Variants in ECI1 observed in about 807,000 individuals in gnomAD.
ECI1 encodes enoyl-CoA delta isomerase 1.
Under a neutral mutation model 34.2 loss-of-function variants are expected in ECI1, and 34 were observed. The ratio of observed to expected loss-of-function variants is 1.00; its 90% CI spans 0.76 to 1.33. ECI1 has a LOEUF of 1.33. Among genes scored for constraint, ECI1 ranks in the 40% most tolerant of loss-of-function variants. ECI1 has a pLI of 0.00. For missense variants in ECI1, 456 were observed against 422.2 expected (o/e 1.08, Z -0.70); for synonymous variants, 211 against 193.0 (o/e 1.09, Z -0.77).
Position 2,251,361 on chromosome 16 carries a change from G to A in ECI1, c.121C>T (p.Arg41Cys). The change falls in exon 2 of 7, where the codon CGC becomes TGC. Residue 41 changes from arginine to cysteine, a missense_variant. Transcript: ENST00000301729. ...ACCAGCACCCGCTGGCTCCCGAAGC[G>A]CCGCGCGCCGTCTCCGCCGCCGGCC... ...RAAGGGDGAR[R>C]FGSQRVLVEP... is the part of the protein sequence containing the mutation. The A allele has an allele frequency of 1.6e-6, 2 of 1,246,338 alleles. No individual in the cohort carries two copies. Among genetic ancestry groups the A allele is most frequent in the Non-Finnish European group, 1.0e-6 (1 of 996,244 alleles). 77.2% of individuals were successfully genotyped at this position (1,246,338 alleles called of 1,614,324 possible). A position where few individuals can be genotyped will look rare whatever the true frequency, so the allele number is the denominator to read the frequency against.
chr16:2,243,256 C>T (rs2093532354), intron 5 of ECI1, 32 bp from the exon 6 acceptor site: 3 of 1,612,940 alleles, frequency 1.9e-6, no homozygotes, highest in Non-Finnish European at 2.5e-6. Flanking sequence ...CACCACATGG[C>T]CCCAGGCGGG....
chr16:2,246,899 A>G lies in ECI1; in HGVS notation c.254T>C (p.Leu85Pro). ...LTELVISLEK[L>P]ENDKSFRGVI... is the part of the protein sequence containing the mutation. The stretch of plus-strand genomic sequence containing the variant: ...ACCGCGGAAGCTCTTGTCATTCTCC[A>G]GCTTCTCCAGGCTGATGACCAGCTC... The change falls in exon 3 of 7, where the codon CTG becomes CCG. Residue 85 changes from leucine (L) to proline (P), a missense_variant. Transcript: ENST00000301729. 1 of 1,613,764 alleles carries G rather than the reference A, an allele frequency of 6.2e-7. No individual in the cohort carries two copies. The highest frequency in any genetic ancestry group is 8.5e-7 in the Non-Finnish European group (1 of 1,180,016).
chr16:2,245,594 G>A (rs1316536518), intron 3 of ECI1, among the ~76,000 whole-genome samples: 7 of 152,204 alleles, frequency 4.6e-5, no homozygotes, highest in Non-Finnish European at 1.0e-4. Context: ...GGCCTGGCGT[G>A]GTGGCTCATG....
At chr16:2,247,076 G>A (rs1394333623) in intron 2 of ECI1, 90 bp from the exon 3 acceptor site, 2 of 1,457,762 alleles carry the variant, frequency 1.4e-6, no homozygotes, top group East Asian at 2.4e-5. Flanking sequence ...CATGATAGCT[G>A]TGCATTTTGG....
intron 4 of ECI1, 77 bp downstream of exon 4, chr16:2,244,329 G>A: frequency 1.3e-6 from 2 of 1,508,928 alleles, no homozygotes; most frequent in Admixed American, 3.8e-5. Context: ...GATTCCAAGG[G>A]CAGGACAGTG....
intron 2 of ECI1, among the ~76,000 whole-genome samples, chr16:2,248,960 T>C (rs1410838209): frequency 6.6e-6 from 1 of 152,210 alleles, no homozygotes; most frequent in East Asian, 1.9e-4. Flanking sequence ...CGGGCTTTGT[T>C]GTCGGCTTTG....
intron 3 of ECI1, among the ~76,000 whole-genome samples, chr16:2,246,457 C>A (rs1351364524): frequency 3.3e-5 from 5 of 152,170 alleles, no homozygotes; most frequent in African/African-American, 7.2e-5. Context: ...GCCCACAGCT[C>A]TCCCCAGTGT....
intron 2 of ECI1, among the ~76,000 whole-genome samples, chr16:2,249,251 G>A (rs951610470): frequency 2.0e-5 from 3 of 151,642 alleles, no homozygotes; most frequent in Admixed American, 6.6e-5. Context: ...GGGTTTCACC[G>A]TGTTAGCCAG....
Position 2,246,981 on chromosome 16 carries a change from C to T in ECI1, c.172G>A (p.Ala58Thr), listed in dbSNP as rs72766670. ...LVEPDAGAGVAVMKFKNPPVN... is the reference protein window; with the variant it reads ...LVEPDAGAGVTVMKFKNPPVN... Reference sequence around the variant, plus strand: ...GGGGGGTTCTTGAATTTCATCACAGCGACCCCTAATTTAAAGAATGAGAAG... The same window carrying T: ...GGGGGGTTCTTGAATTTCATCACAGTGACCCCTAATTTAAAGAATGAGAAG... The change falls in exon 3 of 7, where the codon GCT becomes ACT. Residue 58 changes from alanine (A) to threonine (T), a missense_variant. Coordinates refer to ENST00000301729, the MANE Select transcript of ECI1 (RefSeq NM_001919.4). 16 of 1,613,208 alleles carry T rather than the reference C, an allele frequency of 9.9e-6. No homozygotes were observed. The highest frequency in any genetic ancestry group is 1.1e-5 in the South Asian group (1 of 91,050).
intron 2 of ECI1, among the ~76,000 whole-genome samples, chr16:2,249,831 T>C (rs564031514): frequency 1.1e-4 from 13 of 123,266 alleles, no homozygotes; most frequent in African/African-American, 4.1e-4. Flanking sequence ...TGAGCGGAGA[T>C]CGTGCCACTG....
chr16:2,248,139 C>T (rs1377912111), intron 2 of ECI1, among the ~76,000 whole-genome samples: 2 of 152,166 alleles, frequency 1.3e-5, no homozygotes, highest in African/African-American at 4.8e-5. Context: ...GCTCGTCGCC[C>T]AGGCTGGAGT....
chr16:2,244,368 A>T (rs1343128699), intron 4 of ECI1, 38 bp downstream of exon 4: 3 of 1,605,574 alleles, frequency 1.9e-6, no homozygotes, highest in South Asian at 1.1e-5. Context: ...GCTGGCCCAG[A>T]ACAGCCAGCG....
At chr16:2,242,041 G>A (rs2093529254) in intron 6 of ECI1, among the ~76,000 whole-genome samples, 1 of 152,046 alleles carries the variant, frequency 6.6e-6, no homozygotes, top group Admixed American at 6.6e-5. Context: ...TGTATTTTTA[G>A]TAGAGACAGG....
rs147900765 is a variant in ECI1, at chr16:2,239,989, T to C, written c.899A>G (p.Glu300Gly). The change falls in exon 7 of 7, where the codon GAA becomes GGA. Residue 300 changes from glutamate (E) to glycine (G), a missense_variant. Physicochemically the swap from Glu to Gly is moderately conservative, Grantham distance 98 (BLOSUM62 -2). Transcript: ENST00000301729. ...GTGGCAGCCCAATCGTTAGCCTTTT[T>C]CTTCTTTGAGCCTCTCTAAGTACAT... ...LQMYLERLKE[E>G]KG The C allele has an allele frequency of 1.1e-4, 175 of 1,613,706 alleles. No homozygotes were observed. In the African/African-American group the frequency reaches 2.2e-3, roughly 20 times the overall value.
At chr16:2,248,711 G>A (rs1188751754) in intron 2 of ECI1, among the ~76,000 whole-genome samples, 1 of 152,186 alleles carries the variant, frequency 6.6e-6, no homozygotes, top group Admixed American at 6.5e-5. Flanking sequence ...ACTGTGCCCA[G>A]CCTAAATTAG....
In ECI1 at chr16:2,243,386, G is replaced by A. The variant is rs772649739; in HGVS notation, c.495C>T (p.Ile165=). The stretch of plus-strand genomic sequence containing the variant: ...TGCAGTACCTGGGGTTGTCCGCCAG[G>A]ATGCGGTAGTCACAGGTCAGGGCCA... The part of the protein sequence containing the change: ...CLVALTCDYR[I]LADNPRYCIG... Residue 165 remains isoleucine, a synonymous_variant, in exon 5 of 7, where the codon ATC becomes ATT. Transcript: ENST00000301729. 6.2e-7 allele frequency: 1 copy of A among 1,613,676 alleles called. No homozygotes were observed. The highest frequency in any genetic ancestry group is 2.2e-5 in the East Asian group (1 of 44,892).
At chr16:2,248,116 G>A (rs2093544655) in intron 2 of ECI1, among the ~76,000 whole-genome samples, 1 of 151,642 alleles carries the variant, frequency 6.6e-6, no homozygotes, top group South Asian at 2.1e-4. Context: ...ATTTTTTTCT[G>A]AGACAGAGTC....
chr16:2,243,072 G>T lies in ECI1; in HGVS notation c.716C>A (p.Ala239Glu). ...EEQVQSTALS[A>E]IAQWMAIPDH... is the part of the protein sequence containing the mutation. ...TGGAATGGCCATCCACTGGGCTATC[G>T]CTGACAGCGCAGTGCTCTGCACCTG... Residue 239 changes from alanine (A) to glutamate (E), a missense_variant, in exon 6 of 7, where the codon GCG becomes GAG. Ala to Glu is a moderately radical substitution (Grantham distance 107). Transcript: ENST00000301729. 4 of 1,604,070 alleles carry T rather than the reference G, an allele frequency of 2.5e-6. No individual in the cohort carries two copies. The highest frequency in any genetic ancestry group is 2.5e-6 in the Non-Finnish European group (3 of 1,179,722).
At position 2,239,937 on chromosome 16, in the gene ECI1, C is replaced by G; in HGVS notation, c.*42G>C. 1.2e-6 allele frequency: 2 copies of G among 1,609,004 alleles called. No homozygotes were observed. The highest frequency in any genetic ancestry group is 8.5e-7 in the Non-Finnish European group (1 of 1,176,092). On this transcript the variant is annotated 3_prime_UTR_variant, in exon 7 of 7. Coordinates refer to ENST00000301729, the MANE Select transcript of ECI1 (RefSeq NM_001919.4). ...CCTTGTTTAAGACCTCCCTGGGACCCACAGGGGCACGTGTGGCCGTAAGCC... is the reference window on the plus strand; with the variant it reads ...CCTTGTTTAAGACCTCCCTGGGACCGACAGGGGCACGTGTGGCCGTAAGCC...
Sources: allele counts gnomAD v4.1 joint callset (sites outside exome capture counted in the v4.1 genomes callset), GRCh38; gene constraint gnomAD v4.1.1; transcripts MANE v1.5; gene names NCBI Gene and HGNC (gene_info 2026-07-23, HGNC 2026-07-21).